The following SCML4 variants were observed in gnomAD, a reference collection of about 807,000 sequenced individuals.
The protein encoded by SCML4 is sex comb on midleg-like protein 4.
In SCML4, 34 loss-of-function variants were observed where a neutral mutation model predicts 41.1. The observed-to-expected ratio is 0.83, with a 90% CI of 0.63 to 1.10. The LOEUF (loss-of-function observed/expected upper bound fraction) is 1.10. Ranked by LOEUF, SCML4 falls within the 50% of genes least tolerant of loss-of-function variation. SCML4 has a pLI of 0.00. For synonymous variants in SCML4, 214 were observed against 220.9 expected, an observed-to-expected ratio of 0.97 and a Z score of 0.28; for missense variants, 522 against 534.1, an observed-to-expected ratio of 0.98 and a Z score of 0.22.
upstream of SCML4, among the ~76,000 whole-genome samples, chr6:107,825,862 G>A (rs796679319): frequency 5.3e-5 from 8 of 150,990 alleles, no homozygotes; most frequent in East Asian, 1.9e-4. Flanking sequence ...GCGTGAACCC[G>A]GGAGGCGGAG....
intron 1 of SCML4, among the ~76,000 whole-genome samples, chr6:107,821,325 CA>C (rs765493388): frequency 2.0e-5 from 3 of 151,974 alleles, no homozygotes; most frequent in Non-Finnish European, 4.4e-5. Context: ...GCAATGAAAA[CA>C]TTAAAAAATG....
intron 5 of SCML4, among the ~76,000 whole-genome samples, chr6:107,741,972 C>T (rs373254821): frequency 5.9e-5 from 9 of 152,250 alleles, no homozygotes; most frequent in East Asian, 1.9e-4. Context: ...GATGGTAACA[C>T]GTGAGCTCTC....
chr6:107,749,826 G>A lies in SCML4; in HGVS notation c.157-13C>T, dbSNP rs1307735715. On this transcript the variant is annotated splice_polypyrimidine_tract_variant and intron_variant, in intron 2 of 7. Coordinates refer to ENST00000369020, the MANE Select transcript of SCML4 (RefSeq NM_198081.5). ...CCCGAGACTTGATCTGGAAGAGAGA[G>A]CCCATTTGGTCAATGAGAATCTGGC... 3 of 1,613,702 alleles carry A rather than the reference G, an allele frequency of 1.9e-6. No homozygotes were observed. Among genetic ancestry groups the A allele is most frequent in the Non-Finnish European group, 2.5e-6 (3 of 1,179,796 alleles).
chr6:107,843,953 G>C, the SCML4 span, among the ~76,000 whole-genome samples: 1 of 141,986 alleles, frequency 7.0e-6, no homozygotes. Flanking sequence ...GAGAGAGAGA[G>C]AAGCAAAACA....
At chr6:107,817,331 T>C (rs986598425) in intron 1 of SCML4, among the ~76,000 whole-genome samples, 2 of 152,154 alleles carry the variant, frequency 1.3e-5, no homozygotes, top group Non-Finnish European at 2.9e-5. Flanking sequence ...ATGTACCTTT[T>C]TCTAGGCCAG....
At chr6:107,812,617 A>G (rs1478316610) in intron 1 of SCML4, among the ~76,000 whole-genome samples, 2 of 152,160 alleles carry the variant, frequency 1.3e-5, no homozygotes, top group Non-Finnish European at 2.9e-5. Flanking sequence ...AAGGCCTGAA[A>G]AGAACAAAAA....
chr6:107,796,694 CCTTT>C (rs1275731306), intron 1 of SCML4, among the ~76,000 whole-genome samples: 1 of 152,060 alleles, frequency 6.6e-6, no homozygotes, highest in Admixed American at 6.6e-5. Context: ...GTTTCTCTGC[CCTTT>C]CTAAGAAATG....
At chr6:107,731,473 TTCTCTC>T (rs138920558) in intron 5 of SCML4, among the ~76,000 whole-genome samples, 1 of 151,480 alleles carries the variant, frequency 6.6e-6, no homozygotes, top group East Asian at 1.9e-4. Flanking sequence ...CTGTTTGTCT[TTCTCTC>T]TCTCTCTCAC....
At chr6:107,747,060 CAA>C (rs1021769295) in intron 3 of SCML4, among the ~76,000 whole-genome samples, 171 bp from the exon 4 acceptor site, 1 of 152,158 alleles carries the variant, frequency 6.6e-6, no homozygotes, top group African/African-American at 2.4e-5. Context: ...GTAAAAGAGG[CAA>C]AAGAGTTAGA....
At position 107,703,077 on chromosome 6, in the gene SCML4, A is replaced by G. The variant is rs1773308666; in HGVS notation, c.*2123T>C. 6.6e-6 allele frequency among the ~76,000 whole-genome samples: 1 copy of G among 152,204 alleles called. No individual in the cohort carries two copies. The highest frequency in any genetic ancestry group is 1.5e-5 in the Non-Finnish European group (1 of 68,034). On this transcript the variant is annotated 3_prime_UTR_variant, in exon 8 of 8. Transcript: ENST00000369020. ...TACAAATGCCATGGCAACATCAGGA[A>G]GTTACCCTATATGATCTAAAAGGGG...
At chr6:107,804,916 G>A (rs1426360183) in intron 1 of SCML4, among the ~76,000 whole-genome samples, 2 of 152,206 alleles carry the variant, frequency 1.3e-5, no homozygotes, top group Non-Finnish European at 2.9e-5. Context: ...GCTGCAATGA[G>A]CTGTGTTCGC....
the SCML4 span, among the ~76,000 whole-genome samples, chr6:107,839,383 AAG>A: frequency 6.8e-6 from 1 of 147,768 alleles, no homozygotes. Context: ...GAAAGAAAGA[AAG>A]AAAGAAAGAA....
chr6:107,737,931 A>G (rs188503189), intron 5 of SCML4, among the ~76,000 whole-genome samples: 2 of 152,026 alleles, frequency 1.3e-5, no homozygotes, highest in Non-Finnish European at 2.9e-5. Flanking sequence ...AATTTTTTTT[A>G]AAAAAAGAAA....
In SCML4 at chr6:107,707,882, T is replaced by C; in HGVS notation, c.1103A>G (p.Glu368Gly). 6.4e-7 allele frequency: 1 copy of C among 1,551,660 alleles called. No homozygotes were observed. Among genetic ancestry groups the C allele is most frequent in the Non-Finnish European group, 8.7e-7 (1 of 1,147,006 alleles). The change falls in exon 7 of 8, where the codon GAG becomes GGG. Residue 368 changes from glutamate to glycine, a missense_variant. By Grantham distance (98) the Glu-to-Gly change is moderately conservative. Transcript: ENST00000369020. ...CTCGCATACGTGCTTTCTGAAGAGC[T>C]CCACGTGAGGCCCCAGAGCCTGTGG... ...ADPQALGPHVELFRKHEIDGN... is the reference protein window; with the variant it reads ...ADPQALGPHVGLFRKHEIDGN...
intron 1 of SCML4, among the ~76,000 whole-genome samples, chr6:107,814,793 T>C (rs1784444622): frequency 6.6e-6 from 1 of 152,208 alleles, no homozygotes; most frequent in South Asian, 2.1e-4. Flanking sequence ...CCTCAAGTGA[T>C]CCACCGCCTT....
At chr6:107,839,748 T>C in the SCML4 span, among the ~76,000 whole-genome samples, 6 of 152,126 alleles carry the variant, frequency 3.9e-5, no homozygotes, top group Non-Finnish European at 8.8e-5. Flanking sequence ...GTACTATAAA[T>C]ATGACTTCAA....
At chr6:107,715,875 G>A (rs535121263) in intron 6 of SCML4, among the ~76,000 whole-genome samples, 18 of 151,976 alleles carry the variant, frequency 1.2e-4, no homozygotes, top group African/African-American at 4.1e-4. Context: ...CCATTTCTAA[G>A]TCTCTTCCAT....
intron 1 of SCML4, among the ~76,000 whole-genome samples, chr6:107,809,487 G>A (rs1404992568): frequency 1.3e-5 from 2 of 152,210 alleles, no homozygotes; most frequent in Non-Finnish European, 2.9e-5. Flanking sequence ...AGAGTCTGAG[G>A]AAGGGCCACC....
At chr6:107,833,590 G>A in the SCML4 span, among the ~76,000 whole-genome samples, 10 of 152,132 alleles carry the variant, frequency 6.6e-5, no homozygotes, top group Middle Eastern at 3.2e-3. Context: ...ACCAAAACCA[G>A]CAAAGACCCC....
Sources: allele counts gnomAD v4.1 joint callset (sites outside exome capture counted in the v4.1 genomes callset), GRCh38; gene constraint gnomAD v4.1.1; transcripts MANE v1.5; gene names NCBI Gene and HGNC (gene_info 2026-07-23, HGNC 2026-07-21).